ZFHX3: variants seen among roughly 807,000 people sequenced by gnomAD.
The protein encoded by ZFHX3 is zinc finger homeobox 3.
ZFHX3 carries 42 observed loss-of-function variants against 279.1 expected under a neutral mutation model. That is an observed-to-expected ratio of 0.15 (90% CI 0.12 to 0.19). The LOEUF (loss-of-function observed/expected upper bound fraction) is 0.19, where lower values mean the gene tolerates loss of function less well. ZFHX3 is among the 10% of genes least tolerant of loss of function. ZFHX3 has a pLI of 1.00. For synonymous variants in ZFHX3, 2,293 were observed against 1,957.8 expected (o/e 1.17, Z -4.52); for missense variants, 4,981 against 4,754.0 (o/e 1.05, Z -1.40).
chr16:73,144,471 G>C (rs1296207991), intron 5 of ZFHX3: 1 of 152,202 alleles, frequency 6.6e-6, no homozygotes, highest in African/African-American at 2.4e-5. Flanking sequence ...GCTCCCGAAG[G>C]GTTAAGCCAG....
intron 5 of ZFHX3, among the ~76,000 whole-genome samples, chr16:73,216,652 AC>A (rs760230739): frequency 2.0e-5 from 3 of 152,062 alleles, no homozygotes; most frequent in Non-Finnish European, 2.9e-5. Flanking sequence ...TGTCCCAGCT[AC>A]TCAGGAGGCT....
chr16:72,839,464 G>T (rs2037289234), intron 4 of ZFHX3, among the ~76,000 whole-genome samples: 1 of 152,098 alleles, frequency 6.6e-6, no homozygotes, highest in African/African-American at 2.4e-5. Flanking sequence ...GAAAGAAGGG[G>T]CATGCAAAAT....
At chr16:72,978,055 G>T (rs1205041971) in intron 1 of ZFHX3, among the ~76,000 whole-genome samples, 2 of 152,040 alleles carry the variant, frequency 1.3e-5, no homozygotes, top group Non-Finnish European at 2.9e-5. Flanking sequence ...AGTAGAAACG[G>T]GGTTTCACCA....
chr16:73,329,797 C>T (rs983426524), intron 3 of ZFHX3, among the ~76,000 whole-genome samples: 10 of 152,110 alleles, frequency 6.6e-5, no homozygotes, highest in African/African-American at 2.2e-4. Flanking sequence ...GTTTACATAT[C>T]GAACAATAAA....
intron 2 of ZFHX3, among the ~76,000 whole-genome samples, chr16:73,460,754 A>G (rs932385267): frequency 2.0e-5 from 3 of 152,184 alleles, no homozygotes; most frequent in Non-Finnish European, 4.4e-5. Flanking sequence ...CTTTAGCACC[A>G]TCCACTTTGT....
chr16:73,487,462 A>C, intron 2 of ZFHX3: 1 of 441,438 alleles, frequency 2.3e-6, no homozygotes, highest in Non-Finnish European at 4.5e-6. Flanking sequence ...GAGTGCCAGC[A>C]TGATTATGGC....
At chr16:73,643,227 TA>T (rs1366914906) in intron 2 of ZFHX3, among the ~76,000 whole-genome samples, 1 of 152,122 alleles carries the variant, frequency 6.6e-6, no homozygotes, top group East Asian at 1.9e-4. Context: ...TCAAGAGATT[TA>T]ATTCCTCACA....
intron 4 of ZFHX3, among the ~76,000 whole-genome samples, chr16:72,868,086 C>T (rs2038067106): frequency 6.6e-6 from 1 of 152,150 alleles, no homozygotes; most frequent in Non-Finnish European, 1.5e-5. Context: ...TAAGCAAATA[C>T]TAAGTAATCA....
intron 7 of ZFHX3, among the ~76,000 whole-genome samples, chr16:73,105,386 C>CACACACATATATATATAT (rs1567389799): frequency 8.4e-5 from 10 of 118,700 alleles, no homozygotes; most frequent in African/African-American, 1.9e-4. Flanking sequence ...TATATATACA[C>CACACACATATATATATAT]ACACACACAT....
At chr16:73,090,164 T>A (rs555972072) in intron 8 of ZFHX3, among the ~76,000 whole-genome samples, 100 of 151,604 alleles carry the variant, frequency 6.6e-4, no homozygotes, top group Admixed American at 1.5e-3. Flanking sequence ...GAGGCCAAGG[T>A]GGGCAGATCC....
chr16:73,566,346 C>T (rs1371549119), intron 2 of ZFHX3, among the ~76,000 whole-genome samples: 1 of 152,174 alleles, frequency 6.6e-6, no homozygotes, highest in African/African-American at 2.4e-5. Flanking sequence ...AGCTGCCATA[C>T]CAAATTCCCA....
At chr16:73,237,562 C>T (rs972671587) in intron 5 of ZFHX3, among the ~76,000 whole-genome samples, 1 of 116,544 alleles carries the variant, frequency 8.6e-6, no homozygotes, top group South Asian at 3.0e-4. Flanking sequence ...GGAGAGAACA[C>T]GGTCTTGCTT....
intron 4 of ZFHX3, among the ~76,000 whole-genome samples, chr16:72,877,746 G>A (rs1021168295): frequency 1.4e-4 from 21 of 152,188 alleles, no homozygotes; most frequent in Non-Finnish European, 2.6e-4. Flanking sequence ...AGACAAGCAC[G>A]TGCGTGGATT....
intron 4 of ZFHX3, among the ~76,000 whole-genome samples, chr16:72,870,252 T>C (rs2038122221): frequency 6.6e-6 from 1 of 151,670 alleles, no homozygotes; most frequent in African/African-American, 2.4e-5. Context: ...ACTAGCCAGA[T>C]GTGGTGATGC....
chr16:73,811,998 G>C (rs117962423), intron 1 of ZFHX3, among the ~76,000 whole-genome samples: 1,967 of 152,254 alleles, frequency 0.013, 16 homozygotes, highest in Non-Finnish European at 0.02. Context: ...TTGTGGATAA[G>C]AAAACAGAGG....
At chr16:73,360,272 C>T (rs953923296) in intron 3 of ZFHX3, among the ~76,000 whole-genome samples, 2 of 152,186 alleles carry the variant, frequency 1.3e-5, no homozygotes, top group African/African-American at 2.4e-5. Context: ...TTATCACAAC[C>T]ACCCAATGAG....
chr16:73,539,062 T>C (rs2019962452), intron 2 of ZFHX3, among the ~76,000 whole-genome samples: 1 of 152,216 alleles, frequency 6.6e-6, no homozygotes, highest in Non-Finnish European at 1.5e-5. Context: ...AATGACAGCA[T>C]TGAATTTTAA....
At chr16:73,856,585 G>A (rs1194831243) in intron 1 of ZFHX3, among the ~76,000 whole-genome samples, 1 of 152,182 alleles carries the variant, frequency 6.6e-6, no homozygotes, top group African/African-American at 2.4e-5. Flanking sequence ...GCCAGCATCT[G>A]ATTTTTAATG....
At chr16:73,883,512 A>T (rs1225159292) in intron 1 of ZFHX3, among the ~76,000 whole-genome samples, 1 of 152,100 alleles carries the variant, frequency 6.6e-6, no homozygotes, top group African/African-American at 2.4e-5. Context: ...ATCAGTTGCT[A>T]CAGACAACAA....
Sources: allele counts gnomAD v4.1 joint callset (sites outside exome capture counted in the v4.1 genomes callset), GRCh38; gene constraint gnomAD v4.1.1; transcripts MANE v1.5; gene names NCBI Gene and HGNC (gene_info 2026-07-23, HGNC 2026-07-21).